The following NUDCD3 variants were observed in gnomAD, a reference collection of about 807,000 sequenced individuals.
The protein encoded by NUDCD3 is NudC domain containing 3, also known as nudC domain-containing protein 3.
In NUDCD3, 13 loss-of-function variants were observed where a neutral mutation model predicts 39.7. The observed-to-expected ratio is 0.33, with a 90% CI of 0.21 to 0.52. The LOEUF (loss-of-function observed/expected upper bound fraction) is 0.52, where lower values mean the gene tolerates loss of function less well. Among genes scored for constraint, NUDCD3 ranks in the 20% least tolerant of loss-of-function variants. The probability of loss-of-function intolerance (pLI) is 0.96; values close to 1 mark genes in which losing one functional copy is unlikely to be tolerated. For synonymous variants in NUDCD3, 175 were observed against 172.4 expected, an observed-to-expected ratio of 1.02 and a Z score of -0.12; for missense variants, 453 against 458.1, an observed-to-expected ratio of 0.99 and a Z score of 0.10.
chr7:44,437,386 T>C (rs533142518), intron 2 of NUDCD3, among the ~76,000 whole-genome samples: 11 of 152,318 alleles, frequency 7.2e-5, no homozygotes, highest in African/African-American at 2.6e-4. Context: ...TCGACCTTTG[T>C]TTCTTTGTAA....
intron 4 of NUDCD3, among the ~76,000 whole-genome samples, chr7:44,395,091 A>G (rs1353651282): frequency 6.6e-6 from 1 of 152,274 alleles, no homozygotes; most frequent in Non-Finnish European, 1.5e-5. Flanking sequence ...CAGATTTCAT[A>G]ATATTTACAA....
chr7:44,476,533 C>G (rs1437910573), intron 2 of NUDCD3, among the ~76,000 whole-genome samples: 1 of 152,146 alleles, frequency 6.6e-6, no homozygotes, highest in African/African-American at 2.4e-5. Flanking sequence ...GAAGTGGGCC[C>G]TCACCACTGA....
At chr7:44,409,352 G>A (rs1798881151) in intron 3 of NUDCD3, among the ~76,000 whole-genome samples, 1 of 152,132 alleles carries the variant, frequency 6.6e-6, no homozygotes, top group Non-Finnish European at 1.5e-5. Flanking sequence ...TAAGGAAATC[G>A]CCATCTAATA....
intron 2 of NUDCD3, among the ~76,000 whole-genome samples, chr7:44,446,096 C>A (rs144282011): frequency 6.6e-6 from 1 of 152,290 alleles, no homozygotes; most frequent in East Asian, 1.9e-4. Flanking sequence ...AACATTATCC[C>A]CAATTGACAC....
intron 4 of NUDCD3, among the ~76,000 whole-genome samples, chr7:44,403,460 T>C (rs1798759461): frequency 6.6e-6 from 1 of 152,228 alleles, no homozygotes. Flanking sequence ...TGAGCTCCAT[T>C]GTCCAGGTTT....
chr7:44,393,242 G>A (rs971917108), intron 4 of NUDCD3, among the ~76,000 whole-genome samples: 2 of 152,152 alleles, frequency 1.3e-5, no homozygotes, highest in Non-Finnish European at 2.9e-5. Flanking sequence ...TGTGGGGATG[G>A]CACAGACATC....
intron 5 of NUDCD3, among the ~76,000 whole-genome samples, chr7:44,392,058 G>A (rs1199916154): frequency 1.3e-5 from 2 of 152,256 alleles, no homozygotes; most frequent in Admixed American, 1.3e-4. Context: ...TCGAGGTCCT[G>A]TTAACTGGGC....
chr7:44,427,454 C>T (rs1358752217), intron 3 of NUDCD3, 117 bp downstream of exon 3: 1 of 1,137,944 alleles, frequency 8.8e-7, no homozygotes, highest in Non-Finnish European at 1.2e-6. Flanking sequence ...AGAAGGAACA[C>T]ACCTCACATC....
At chr7:44,441,724 AG>A (rs1419812595) in intron 2 of NUDCD3, among the ~76,000 whole-genome samples, 1 of 152,182 alleles carries the variant, frequency 6.6e-6, no homozygotes, top group Admixed American at 6.5e-5. Flanking sequence ...TTACTGTTGT[AG>A]GTCCCAGGAC....
In NUDCD3 at chr7:44,392,287, A is replaced by C; in HGVS notation, c.975+10T>G. ...AAAGGGTGGACTCTCCAGGACTGCC[A>C]TGCTCGTACCAGCTCATGGCTCTGT... is the stretch of plus-strand genomic sequence containing the variant. On this transcript the variant is annotated intron_variant, in intron 5 of 5. Transcript: ENST00000355451. 6.2e-7 allele frequency: 1 copy of C among 1,613,104 alleles called. No homozygotes were observed. Among genetic ancestry groups the C allele is most frequent in the Non-Finnish European group, 8.5e-7 (1 of 1,179,352 alleles).
chr7:44,480,772 T>C (rs1800473130), intron 2 of NUDCD3, among the ~76,000 whole-genome samples: 1 of 151,636 alleles, frequency 6.6e-6, no homozygotes, highest in Admixed American at 6.6e-5. Context: ...TAAGACCCTA[T>C]CTCTACAAAA....
At position 44,404,361 on chromosome 7, in the gene NUDCD3, T is replaced by C. The variant is rs1585056689; in HGVS notation, c.786+79A>G. 6 of 1,440,784 alleles carry C rather than the reference T, an allele frequency of 4.2e-6. No individual in the cohort carries two copies. The African/African-American group carries it at 4.2e-5, about 10-fold the overall frequency. 89.2% of individuals were successfully genotyped at this position (1,440,784 alleles called of 1,614,324 possible). On this transcript the variant is annotated intron_variant, in intron 4 of 5. Transcript: ENST00000355451. The stretch of plus-strand genomic sequence containing the variant: ...AACAACCTCACTGCTTAAGTGTAAA[T>C]AGGCTTGTTGGTCAAAAGGGGCATC...
At chr7:44,438,707 C>T (rs1460251452) in intron 2 of NUDCD3, among the ~76,000 whole-genome samples, 5 of 151,832 alleles carry the variant, frequency 3.3e-5, no homozygotes, top group Non-Finnish European at 7.4e-5. Flanking sequence ...GGATTTAGTC[C>T]CCAGAACAGT....
At chr7:44,471,244 A>G (rs1800250628) in intron 2 of NUDCD3, among the ~76,000 whole-genome samples, 1 of 152,254 alleles carries the variant, frequency 6.6e-6, no homozygotes, top group South Asian at 2.1e-4. Flanking sequence ...GCACGTCCTC[A>G]TGTATACTTT....
chr7:44,488,570 T>C (rs1800666413), intron 1 of NUDCD3, among the ~76,000 whole-genome samples: 1 of 152,138 alleles, frequency 6.6e-6, no homozygotes, highest in African/African-American at 2.4e-5. Context: ...CCAAAAGATC[T>C]AGTCCAGTAA....
At chr7:44,412,918 C>T (rs1187789437) in intron 3 of NUDCD3, among the ~76,000 whole-genome samples, 47 of 131,004 alleles carry the variant, frequency 3.6e-4, no homozygotes, top group African/African-American at 1.3e-3. Context: ...CAGAGCGAGA[C>T]GCCGTCTCAA....
intron 2 of NUDCD3, among the ~76,000 whole-genome samples, chr7:44,462,520 A>G (rs1286529201): frequency 1.3e-5 from 2 of 152,270 alleles, no homozygotes; most frequent in Non-Finnish European, 2.9e-5. Context: ...GGGAATAAAG[A>G]CATCATAAAG....
At chr7:44,467,790 T>C (rs1800150162) in intron 2 of NUDCD3, 1 of 735,244 alleles carries the variant, frequency 1.4e-6, no homozygotes, top group African/African-American at 1.8e-5. Context: ...CACCCTATTG[T>C]ATATAAGAAA....
chr7:44,405,047 C>T (rs1336638023), intron 3 of NUDCD3, among the ~76,000 whole-genome samples: 1 of 152,214 alleles, frequency 6.6e-6, no homozygotes, highest in Non-Finnish European at 1.5e-5. Context: ...GACTGCTGTA[C>T]AAGAGACAAG....
Sources: gnomAD v4.1 joint callset for allele counts (sites outside exome capture counted in the v4.1 genomes callset) on GRCh38, gnomAD v4.1.1 for gene constraint, MANE v1.5 for transcripts, NCBI Gene and HGNC (gene_info 2026-07-23, HGNC 2026-07-21) for gene names.